AUTS2: variants seen among roughly 807,000 people sequenced by gnomAD.
The protein encoded by AUTS2 is autism susceptibility gene 2 protein.
In AUTS2, 17 loss-of-function variants were observed where a neutral mutation model predicts 112.4. The ratio of observed to expected loss-of-function variants is 0.15; its 90% CI spans 0.10 to 0.23. The LOEUF (loss-of-function observed/expected upper bound fraction) is 0.23. Ranked by LOEUF, AUTS2 falls within the 10% of genes least tolerant of loss-of-function variation. AUTS2 has a pLI of 1.00. For missense variants in AUTS2, 1,510 were observed against 1,701.6 expected, an observed-to-expected ratio of 0.89 and a Z score of 1.98; for synonymous variants, 751 against 702.7, an observed-to-expected ratio of 1.07 and a Z score of -1.09.
chr7:70,722,797 G>A (rs1786774533), intron 6 of AUTS2, among the ~76,000 whole-genome samples: 1 of 152,146 alleles, frequency 6.6e-6, no homozygotes, highest in Non-Finnish European at 1.5e-5. Context: ...GTAAAGATCT[G>A]TATTGTGTTC....
intron 5 of AUTS2, among the ~76,000 whole-genome samples, chr7:70,642,281 C>A (rs1452029545): frequency 1.3e-5 from 2 of 152,206 alleles, no homozygotes; most frequent in Non-Finnish European, 2.9e-5. Context: ...CATTAGCTAA[C>A]TGTAGTGACC....
chr7:70,622,491 C>G (rs1397387605), intron 5 of AUTS2, among the ~76,000 whole-genome samples: 1 of 152,134 alleles, frequency 6.6e-6, no homozygotes, highest in Non-Finnish European at 1.5e-5. Flanking sequence ...TCCTGCACTC[C>G]CGCTAACCCC....
chr7:70,463,763 T>G (rs1215389659), intron 5 of AUTS2, among the ~76,000 whole-genome samples: 1 of 152,210 alleles, frequency 6.6e-6, no homozygotes, highest in Non-Finnish European at 1.5e-5. Flanking sequence ...ATTAATCTCA[T>G]TGTGCTAGTA....
intron 6 of AUTS2, among the ~76,000 whole-genome samples, chr7:70,751,875 C>T (rs1294166476): frequency 2.0e-5 from 3 of 151,474 alleles, no homozygotes; most frequent in Non-Finnish European, 4.4e-5. Context: ...CGCGTGACAC[C>T]ACACCACCTA....
At chr7:70,458,056 A>G (rs1796815685) in intron 5 of AUTS2, among the ~76,000 whole-genome samples, 1 of 152,084 alleles carries the variant, frequency 6.6e-6, no homozygotes, top group African/African-American at 2.4e-5. Context: ...ATTCCCTTTC[A>G]AGGGTGTTAC....
intron 5 of AUTS2, among the ~76,000 whole-genome samples, chr7:70,491,319 T>C (rs1798220518): frequency 6.6e-6 from 1 of 151,678 alleles, no homozygotes; most frequent in Non-Finnish European, 1.5e-5. Context: ...CCCTTTCCTT[T>C]ACATATCTTA....
intron 4 of AUTS2, among the ~76,000 whole-genome samples, chr7:70,231,996 A>T (rs1265758124): frequency 6.6e-6 from 1 of 151,802 alleles, no homozygotes; most frequent in Non-Finnish European, 1.5e-5. Context: ...GATGGTCTCA[A>T]TCTCCTGACC....
At chr7:69,995,253 A>C (rs371482674) in intron 2 of AUTS2, among the ~76,000 whole-genome samples, 2 of 152,168 alleles carry the variant, frequency 1.3e-5, no homozygotes, top group South Asian at 2.1e-4. Flanking sequence ...TCCCCATCTA[A>C]ATTTTACTCT....
chr7:70,722,864 G>A (rs1490297159), intron 6 of AUTS2, among the ~76,000 whole-genome samples: 3 of 152,150 alleles, frequency 2.0e-5, no homozygotes, highest in Admixed American at 2.0e-4. Flanking sequence ...TGTCAGACAG[G>A]CCCTTAAATA....
chr7:70,158,584 G>A (rs77973435), intron 4 of AUTS2, among the ~76,000 whole-genome samples: 17 of 152,124 alleles, frequency 1.1e-4, no homozygotes, highest in African/African-American at 2.4e-4. Flanking sequence ...CCTGCCACTC[G>A]CCTATGAGTT....
At position 70,739,217 on chromosome 7, in the gene AUTS2, A is replaced by G. The variant is rs536356567; in HGVS notation, c.743-23653A>G. Among the ~76,000 whole-genome samples, 138 of 151,692 alleles carry G rather than the reference A, an allele frequency of 9.1e-4. 1 individual carries two copies. Among genetic ancestry groups the G allele is most frequent in the Non-Finnish European group, 1.4e-3 (93 of 67,900 alleles). ...AATGTTTTTTATGTTTTGAAGAGAC[A>G]GGGTCTCACCATGTTGCCCAGGCTG... On this transcript the variant is annotated intron_variant, in intron 6 of 18. Transcript: ENST00000342771.
At chr7:69,996,077 C>T (rs1798932351) in intron 2 of AUTS2, among the ~76,000 whole-genome samples, 1 of 152,210 alleles carries the variant, frequency 6.6e-6, no homozygotes, top group Non-Finnish European at 1.5e-5. Context: ...CTACAGTTCA[C>T]TCCGTAAGGA....
chr7:69,715,227 TAAAAAAA>T (rs61555118), intron 1 of AUTS2, among the ~76,000 whole-genome samples: 1 of 129,430 alleles, frequency 7.7e-6, no homozygotes, highest in Non-Finnish European at 1.6e-5. Flanking sequence ...CAGGCATAAG[TAAAAAAA>T]AAAAAAAAAA....
intron 4 of AUTS2, among the ~76,000 whole-genome samples, chr7:70,296,805 A>G (rs1290155499): frequency 6.6e-6 from 1 of 151,058 alleles, no homozygotes; most frequent in Admixed American, 6.6e-5. Flanking sequence ...AAATTAACAT[A>G]TCAAAGCTAT....
At chr7:70,561,918 G>C (rs1339870472) in intron 5 of AUTS2, among the ~76,000 whole-genome samples, 1 of 152,124 alleles carries the variant, frequency 6.6e-6, no homozygotes, top group African/African-American at 2.4e-5. Context: ...TGGGCGCTGG[G>C]AGGTGTTTGG....
intron 4 of AUTS2, among the ~76,000 whole-genome samples, chr7:70,257,959 G>C (rs985186326): frequency 6.6e-6 from 1 of 152,180 alleles, no homozygotes; most frequent in Admixed American, 6.5e-5. Flanking sequence ...ACTCCTGGCC[G>C]ACATGAGCAT....
intron 2 of AUTS2, among the ~76,000 whole-genome samples, chr7:69,917,906 G>A (rs1437447798): frequency 6.6e-6 from 1 of 151,916 alleles, no homozygotes; most frequent in African/African-American, 2.4e-5. Context: ...GCAGTGGCGC[G>A]ATCTCGGCTC....
chr7:70,638,200 T>C (rs893085072), intron 5 of AUTS2, among the ~76,000 whole-genome samples: 2 of 152,040 alleles, frequency 1.3e-5, no homozygotes, highest in African/African-American at 4.8e-5. Context: ...ATCACCTTCA[T>C]GTAAAAGAAT....
intron 1 of AUTS2, among the ~76,000 whole-genome samples, chr7:69,832,435 A>G (rs2129527608): frequency 6.6e-6 from 1 of 152,288 alleles, no homozygotes; most frequent in African/African-American, 2.4e-5. Context: ...TCCTGACCTC[A>G]GCAGCACACA....
Sources: allele counts gnomAD v4.1 joint callset (sites outside exome capture counted in the v4.1 genomes callset), GRCh38; gene constraint gnomAD v4.1.1; transcripts MANE v1.5; gene names NCBI Gene and HGNC (gene_info 2026-07-23, HGNC 2026-07-21).